Variants in RBFOX1 observed in about 807,000 individuals in gnomAD.
The protein encoded by RBFOX1 is RNA binding protein fox-1 homolog 1.
RBFOX1 carries 8 observed loss-of-function variants against 57.7 expected under a neutral mutation model. That is an observed-to-expected ratio of 0.14 (90% CI 0.08 to 0.25). The LOEUF is 0.25. RBFOX1 is among the 10% of genes least tolerant of loss of function. RBFOX1 has a pLI of 1.00. For synonymous variants in RBFOX1, 326 were observed against 222.4 expected, an observed-to-expected ratio of 1.47 and a Z score of -4.15; for missense variants, 611 against 548.5, an observed-to-expected ratio of 1.11 and a Z score of -1.14.
intron 4 of RBFOX1, among the ~76,000 whole-genome samples, chr16:5,978,980 A>T (rs889460190): frequency 6.6e-6 from 1 of 152,186 alleles, no homozygotes; most frequent in Non-Finnish European, 1.5e-5. Context: ...TACTAAATTA[A>T]TGAGTTATGG....
At chr16:5,983,654 A>G (rs971241892) in intron 4 of RBFOX1, among the ~76,000 whole-genome samples, 2 of 152,140 alleles carry the variant, frequency 1.3e-5, no homozygotes, top group African/African-American at 2.4e-5. Context: ...TCTCGTTGTT[A>G]TTCTGTAACT....
intron 3 of RBFOX1, among the ~76,000 whole-genome samples, chr16:6,997,596 C>G (rs891310823): frequency 6.6e-6 from 1 of 152,144 alleles, no homozygotes; most frequent in Non-Finnish European, 1.5e-5. Context: ...AAAAGATAGA[C>G]TGCGTTTTGC....
rs576105212 is a variant in RBFOX1, at chr16:5,631,240, C to G, written c.318+32279C>G. On this transcript the variant is annotated intron_variant, in intron 3 of 19. Transcript: ENST00000641259. ...GTTACTGGTCAGGGTCTTAGAGGCTCTCTCCAATCCTCATGCACATTTAAA... is the reference window on the plus strand; with the variant it reads ...GTTACTGGTCAGGGTCTTAGAGGCTGTCTCCAATCCTCATGCACATTTAAA... Among the ~76,000 whole-genome samples the G allele has an allele frequency of 1.3e-3, 193 of 152,286 alleles. 1 individual carries two copies. Among genetic ancestry groups the G allele is most frequent in the African/African-American group, 4.5e-3 (187 of 41,574 alleles).
chr16:7,272,357 G>T, intron 4 of RBFOX1, among the ~76,000 whole-genome samples: 1 of 151,992 alleles, frequency 6.6e-6, no homozygotes, highest in East Asian at 1.9e-4. Flanking sequence ...GCTAGTTTTT[G>T]TATTTTTAGT....
chr16:6,006,441 C>T (rs2094927756), intron 4 of RBFOX1, among the ~76,000 whole-genome samples: 1 of 152,034 alleles, frequency 6.6e-6, no homozygotes. Flanking sequence ...ATATTACATG[C>T]CAGTCTGTGC....
chr16:7,398,793 T>C (rs761220493), intron 4 of RBFOX1, among the ~76,000 whole-genome samples: 5 of 152,216 alleles, frequency 3.3e-5, no homozygotes, highest in Non-Finnish European at 7.3e-5. Context: ...ATTTTCATTG[T>C]GGGGTTAGAC....
At chr16:7,710,369 T>C (rs1321158165) in intron 15 of RBFOX1, 46 of 1,346,312 alleles carry the variant, frequency 3.4e-5, no homozygotes, top group Non-Finnish European at 4.4e-5. Flanking sequence ...TTGTCCAGCT[T>C]ATAATAGAGT....
Position 7,003,199 on chromosome 16 carries a change from G to A in RBFOX1, c.-15-48858G>A, listed in dbSNP as rs181708349. ...TTCTGGGCCAGGCACGGTGGCTCAC[G>A]CCTGTAATCCCAGCACTTTGGGAGG... is the stretch of plus-strand genomic sequence containing the variant. On this transcript the variant is annotated intron_variant, in intron 3 of 15. Transcript: ENST00000550418. 1.8e-3 allele frequency among the ~76,000 whole-genome samples: 269 copies of A among 152,160 alleles called. 1 individual carries two copies. Among genetic ancestry groups the A allele is most frequent in the African/African-American group, 6.2e-3 (257 of 41,542 alleles).
chr16:6,851,564 C>G (rs886654037), intron 3 of RBFOX1, among the ~76,000 whole-genome samples: 4 of 152,182 alleles, frequency 2.6e-5, no homozygotes, highest in Non-Finnish European at 5.9e-5. Flanking sequence ...GTGTTCTCCT[C>G]TGCCAAATTG....
chr16:5,366,476 G>A, intron 1 of RBFOX1: 1 of 436,650 alleles, frequency 2.3e-6, no homozygotes, highest in South Asian at 1.8e-5. Context: ...AGATCAAAAG[G>A]GCAAGAATCC....
intron 4 of RBFOX1, among the ~76,000 whole-genome samples, chr16:7,324,312 A>G (rs1208134654): frequency 2.0e-5 from 3 of 152,164 alleles, no homozygotes; most frequent in African/African-American, 7.2e-5. Context: ...AAAAATCCTC[A>G]TTTACCAGTC....
intron 3 of RBFOX1, among the ~76,000 whole-genome samples, chr16:5,606,206 C>T (rs1405169172): frequency 6.6e-6 from 1 of 152,156 alleles, no homozygotes; most frequent in South Asian, 2.1e-4. Context: ...GGGATACTAT[C>T]TGGTGGCTTC....
intron 2 of RBFOX1, among the ~76,000 whole-genome samples, chr16:6,607,106 A>G (rs753962378): frequency 2.6e-5 from 4 of 152,194 alleles, no homozygotes; most frequent in African/African-American, 9.7e-5. Context: ...CCTACTGACT[A>G]ATAGTCCCTG....
At chr16:7,348,134 G>C (rs1052411462) in intron 4 of RBFOX1, among the ~76,000 whole-genome samples, 2 of 152,060 alleles carry the variant, frequency 1.3e-5, no homozygotes, top group Non-Finnish European at 2.9e-5. Flanking sequence ...AATTAATGTG[G>C]GCTAAACCTA....
At chr16:5,327,317 C>G (rs984676009) in intron 1 of RBFOX1, among the ~76,000 whole-genome samples, 3 of 152,152 alleles carry the variant, frequency 2.0e-5, no homozygotes, top group Non-Finnish European at 2.9e-5. Flanking sequence ...TGGAGAGAAG[C>G]CTTGGGGAAT....
intron 8 of RBFOX1, among the ~76,000 whole-genome samples, chr16:7,597,003 C>T (rs1363468793): frequency 6.6e-6 from 1 of 152,066 alleles, no homozygotes; most frequent in Non-Finnish European, 1.5e-5. Flanking sequence ...CTGCATGCTC[C>T]TTCATATGAA....
At chr16:7,070,982 G>T (rs1407392730) in intron 4 of RBFOX1, among the ~76,000 whole-genome samples, 1 of 152,108 alleles carries the variant, frequency 6.6e-6, no homozygotes, top group Admixed American at 6.6e-5. Context: ...GCCCAGAGTG[G>T]CATGTTGTCA....
At chr16:6,779,785 TTTTATATATAC>T (rs2080087813) in intron 3 of RBFOX1, among the ~76,000 whole-genome samples, 1 of 4,158 alleles carries the variant, frequency 2.4e-4, no homozygotes, top group Admixed American at 5.3e-3. Flanking sequence ...TTATATATAT[TTTTATATATAC>T]TTTTATATAT....
chr16:5,482,982 TGA>T (rs1471648939), intron 2 of RBFOX1, among the ~76,000 whole-genome samples: 1 of 152,220 alleles, frequency 6.6e-6, no homozygotes, highest in African/African-American at 2.4e-5. Flanking sequence ...GAATTTTCTC[TGA>T]ATAGGGACCT....
Sources: allele counts gnomAD v4.1 joint callset (sites outside exome capture counted in the v4.1 genomes callset), GRCh38; gene constraint gnomAD v4.1.1; transcripts MANE v1.5; gene names NCBI Gene and HGNC (gene_info 2026-07-23, HGNC 2026-07-21).